The following BSPH1 variants were observed in gnomAD, a reference collection of about 807,000 sequenced individuals.
BSPH1 encodes binder of sperm 1.
In BSPH1, 21 loss-of-function variants were observed where a neutral mutation model predicts 22.5. The ratio of observed to expected loss-of-function variants is 0.93; its 90% confidence interval spans 0.66 to 1.35. The LOEUF is 1.35. Ranked by LOEUF, BSPH1 falls within the 40% of genes most tolerant of loss-of-function variation. The pLI, the probability that BSPH1 is intolerant of heterozygous loss-of-function variation, is 0.00. For synonymous variants in BSPH1, 42 were observed against 53.6 expected (o/e 0.78, Z 0.95); for missense variants, 141 against 154.2 (o/e 0.91, Z 0.45).
intron 1 of BSPH1, among the ~76,000 whole-genome samples, chr19:47,982,477 G>T (rs760420288): frequency 8.5e-5 from 13 of 152,098 alleles, no homozygotes; most frequent in Non-Finnish European, 7.4e-5. Context: ...AAATTAAAAC[G>T]TTTTTCCTTA....
chr19:47,985,963 G>A (rs755975484), intron 1 of BSPH1, among the ~76,000 whole-genome samples: 8 of 146,192 alleles, frequency 5.5e-5, no homozygotes, highest in Non-Finnish European at 1.0e-4. Context: ...TTTCAGCATC[G>A]TCAACAGCAT....
At chr19:47,975,902 G>A (rs188933732) in intron 5 of BSPH1, among the ~76,000 whole-genome samples, 26 of 152,168 alleles carry the variant, frequency 1.7e-4, no homozygotes, top group Admixed American at 1.6e-3. Flanking sequence ...TGATCCACCC[G>A]CCTCGACCTC....
intron 5 of BSPH1, among the ~76,000 whole-genome samples, chr19:47,970,734 T>G (rs1176389667): frequency 1.3e-5 from 2 of 152,176 alleles, no homozygotes; most frequent in Non-Finnish European, 2.9e-5. Flanking sequence ...CTATTAATAG[T>G]GGACCTGTTC....
chr19:47,973,819 C>G (rs970212458), intron 5 of BSPH1, among the ~76,000 whole-genome samples: 1 of 152,204 alleles, frequency 6.6e-6, no homozygotes, highest in Non-Finnish European at 1.5e-5. Context: ...TGAGCCTCTA[C>G]CTGCTTCTCC....
intron 5 of BSPH1, among the ~76,000 whole-genome samples, chr19:47,969,226 AAGAGTAAAAAC>A: frequency 6.6e-6 from 1 of 152,146 alleles, no homozygotes; most frequent in East Asian, 1.9e-4. Flanking sequence ...TGGGAAAGAG[AAGAGTAAAAAC>A]AGACTCTTAG....
intron 1 of BSPH1, chr19:47,981,770 TAC>T: frequency 1.1e-6 from 1 of 905,866 alleles, no homozygotes; most frequent in Non-Finnish European, 1.3e-6. Context: ...CTGATAGCTT[TAC>T]TTTTTTTTTT....
chr19:47,983,476 C>T (rs1969438183), intron 1 of BSPH1, among the ~76,000 whole-genome samples: 1 of 152,108 alleles, frequency 6.6e-6, no homozygotes, highest in African/African-American at 2.4e-5. Context: ...TCCAACATAG[C>T]CTGTCTGCTA....
chr19:47,968,816 C>T (rs1382029356), intron 5 of BSPH1, among the ~76,000 whole-genome samples: 2 of 151,168 alleles, frequency 1.3e-5, no homozygotes, highest in Non-Finnish European at 2.9e-5. Flanking sequence ...CTGGGCAACA[C>T]TGTGAAACCC....
chr19:47,985,143 A>G (rs775579105), intron 1 of BSPH1, among the ~76,000 whole-genome samples: 4 of 152,096 alleles, frequency 2.6e-5, no homozygotes, highest in African/African-American at 7.2e-5. Context: ...AATGGCTTCA[A>G]TTGAATCCCA....
rs1568396606 is a variant in BSPH1, at chr19:47,977,372, C to G, written c.256+1G>C. 6.4e-7 allele frequency: 1 copy of G among 1,551,642 alleles called. No individual in the cohort carries two copies. The highest frequency in any genetic ancestry group is 1.2e-5 in the South Asian group (1 of 84,018). On this transcript the variant is annotated splice_donor_variant, in intron 4 of 5. Coordinates refer to ENST00000344839, the MANE Select transcript of BSPH1 (RefSeq NM_001128326.2). LOFTEE classifies it high-confidence loss of function. ...GAGGTATTTAGAGACAGGACACTCACCTTCTGCACTGCAAAACTTCCAGTA... is the reference window on the plus strand; with the variant it reads ...GAGGTATTTAGAGACAGGACACTCAGCTTCTGCACTGCAAAACTTCCAGTA...
chr19:47,979,482 T>C, intron 3 of BSPH1, 88 bp downstream of exon 3: 1 of 680,402 alleles, frequency 1.5e-6, no homozygotes, highest in South Asian at 2.0e-5. Flanking sequence ...AATGATTTTT[T>C]TTACTGGAAA....
At chr19:47,980,241 T>G (rs1313058074) in intron 2 of BSPH1, among the ~76,000 whole-genome samples, 1 of 152,074 alleles carries the variant, frequency 6.6e-6, no homozygotes, top group African/African-American at 2.4e-5. Flanking sequence ...GAGGGAATTT[T>G]AAAATGAAAT....
rs369224536 is a variant in BSPH1, at chr19:47,988,779, G to A, written c.73+3230C>T. 1.3e-4 allele frequency among the ~76,000 whole-genome samples: 20 copies of A among 152,060 alleles called. 1 individual carries two copies. The East Asian group carries it at 1.7e-3, about 13-fold the overall frequency. ...CACACCTGGACAGTTCTCCCCGCAA[G>A]GGACCCCACTCCCATGTAATCCCTT... On this transcript the variant is annotated intron_variant, in intron 1 of 5. Coordinates refer to ENST00000344839, the MANE Select transcript of BSPH1 (RefSeq NM_001128326.2).
intron 1 of BSPH1, among the ~76,000 whole-genome samples, chr19:47,986,071 G>C (rs1969467645): frequency 6.6e-6 from 1 of 152,140 alleles, no homozygotes; most frequent in Non-Finnish European, 1.5e-5. Context: ...GTCTGGGGAA[G>C]CTGGTCGAAC....
chr19:47,977,872 T>C (rs1390053268), intron 3 of BSPH1, among the ~76,000 whole-genome samples: 1 of 151,466 alleles, frequency 6.6e-6, no homozygotes, highest in Non-Finnish European at 1.5e-5. Flanking sequence ...CATCTCTCTT[T>C]CTCTCCCTCT....
intron 1 of BSPH1, among the ~76,000 whole-genome samples, chr19:47,988,087 C>T (rs534229952): frequency 6.6e-6 from 1 of 152,166 alleles, no homozygotes; most frequent in East Asian, 1.9e-4. Context: ...TTTTCAGTAA[C>T]ATGGATGAAC....
chr19:47,973,387 A>G (rs2122240489), intron 5 of BSPH1, among the ~76,000 whole-genome samples: 2 of 152,114 alleles, frequency 1.3e-5, no homozygotes, highest in African/African-American at 4.8e-5. Flanking sequence ...CCATCTCATC[A>G]ATCACCAGCA....
At chr19:47,969,970 TTA>T (rs2122236443) in intron 5 of BSPH1, among the ~76,000 whole-genome samples, 1 of 115,486 alleles carries the variant, frequency 8.7e-6, no homozygotes, top group Non-Finnish European at 2.1e-5. Context: ...CTTTTAGAAT[TTA>T]TGTTTGTGAG....
chr19:47,975,493 G>A (rs58596688), intron 5 of BSPH1, among the ~76,000 whole-genome samples: 8,101 of 152,192 alleles, frequency 0.053, 300 homozygotes, highest in East Asian at 0.079. Flanking sequence ...TTTGTACAGC[G>A]CACCCATCTT....
Sources: allele counts gnomAD v4.1 joint callset (sites outside exome capture counted in the v4.1 genomes callset), GRCh38; gene constraint gnomAD v4.1.1; transcripts MANE v1.5; gene names NCBI Gene and HGNC (gene_info 2026-07-23, HGNC 2026-07-21).